The following THBS4 variants were observed in gnomAD, a reference collection of about 807,000 sequenced individuals.
The protein encoded by THBS4 is thrombospondin-4.
A neutral mutation model predicts 115.7 loss-of-function variants in THBS4; 90 were observed. The observed-to-expected ratio is 0.78, with a 90% CI of 0.66 to 0.93. THBS4 has a LOEUF of 0.93. Ranked by LOEUF, THBS4 falls within the 40% of genes least tolerant of loss-of-function variation. THBS4 has a pLI of 0.00. For synonymous variants in THBS4, 460 were observed against 479.3 expected (o/e 0.96, Z 0.53); for missense variants, 1,087 against 1,232.7 (o/e 0.88, Z 1.77).
intron 2 of THBS4, among the ~76,000 whole-genome samples, chr5:80,047,072 AC>A (rs17886383): frequency 3.3e-5 from 5 of 152,254 alleles, no homozygotes; most frequent in African/African-American, 1.2e-4. Flanking sequence ...CTAATCAACA[AC>A]AAATCCTAAT....
intron 8 of THBS4, among the ~76,000 whole-genome samples, chr5:80,063,074 C>A (rs368373914): frequency 3.9e-5 from 6 of 152,118 alleles, no homozygotes; most frequent in Non-Finnish European, 8.8e-5. Context: ...TGGGTCAAAT[C>A]GTATTTCTAG....
chr5:80,000,938 A>G (rs1354604942), intron 2 of THBS4, among the ~76,000 whole-genome samples: 2 of 152,208 alleles, frequency 1.3e-5, no homozygotes, highest in East Asian at 3.9e-4. Context: ...TTTTTTTTAT[A>G]TGTAGATGTC....
chr5:80,001,253 ATTTGT>A (rs1386686293), intron 2 of THBS4, among the ~76,000 whole-genome samples: 1 of 144,064 alleles, frequency 6.9e-6, no homozygotes, highest in Non-Finnish European at 1.5e-5. Flanking sequence ...CGTACTACAT[ATTTGT>A]TGCCGTGTTT....
intron 3 of THBS4, 110 bp downstream of exon 3, chr5:80,056,142 C>T (rs1198592524): frequency 2.2e-5 from 29 of 1,302,320 alleles, no homozygotes; most frequent in African/African-American, 3.0e-5. Context: ...GGTCTAATGC[C>T]GCTTGCACAT....
intron 21 of THBS4, 133 bp from the exon 22 acceptor site, chr5:80,082,947 G>A: frequency 1.3e-6 from 1 of 790,186 alleles, no homozygotes; most frequent in Non-Finnish European, 2.1e-6. Flanking sequence ...AGGAGAAAAT[G>A]GCGGCGAGGG....
chr5:80,018,708 T>A (rs1302036428), intron 2 of THBS4, among the ~76,000 whole-genome samples: 1 of 152,148 alleles, frequency 6.6e-6, no homozygotes, highest in African/African-American at 2.4e-5. Context: ...ATATACTTAT[T>A]TTTTAAACAT....
At chr5:80,055,270 T>C (rs985919375) in intron 2 of THBS4, among the ~76,000 whole-genome samples, 5 of 151,322 alleles carry the variant, frequency 3.3e-5, no homozygotes, top group African/African-American at 1.2e-4. Context: ...TGCAGTGAGC[T>C]GAGATCGTCC....
intron 1 of THBS4, among the ~76,000 whole-genome samples, chr5:80,037,669 C>T (rs1832760210): frequency 6.6e-6 from 1 of 152,168 alleles, no homozygotes; most frequent in Admixed American, 6.5e-5. Flanking sequence ...CATCATGAAC[C>T]TGATCATAGT....
chr5:80,002,233 CTTCAGTAGCT>C (rs1314139583), intron 2 of THBS4, among the ~76,000 whole-genome samples: 1 of 152,122 alleles, frequency 6.6e-6, no homozygotes, highest in Middle Eastern at 3.2e-3. Context: ...TAACCACTAC[CTTCAGTAGCT>C]GCCTGACAAA....
At chr5:79,993,742 G>T (rs1304335339) in intron 1 of THBS4, among the ~76,000 whole-genome samples, 2 of 152,226 alleles carry the variant, frequency 1.3e-5, no homozygotes, top group East Asian at 3.8e-4. Flanking sequence ...CACAGTGCAA[G>T]GTTTGTTAGG....
Position 80,071,098 on chromosome 5 carries a change from C to A in THBS4, c.1638C>A (p.Cys546Ter). The change falls in exon 13 of 22, where the codon TGC (cysteine) becomes TGA (stop). Residue 546 changes from cysteine to a stop codon, truncating the protein, a stop_gained. Transcript: ENST00000350881. LOFTEE classifies it high-confidence loss of function. ...KDIFGDACDN[C>*]LSVLNNDQKD... ...TCTTTGGGGATGCCTGTGATAACTGCCTGAGTGTCTTAAATAACGACCAGA... is the reference window on the plus strand; with the variant it reads ...TCTTTGGGGATGCCTGTGATAACTGACTGAGTGTCTTAAATAACGACCAGA... 1.2e-6 allele frequency: 2 copies of A among 1,611,272 alleles called. No individual in the cohort carries two copies. The highest frequency in any genetic ancestry group is 1.7e-6 in the Non-Finnish European group (2 of 1,179,466).
At chr5:80,080,570 C>T (rs774291803) in intron 20 of THBS4, among the ~76,000 whole-genome samples, 26 of 85,364 alleles carry the variant, frequency 3.0e-4, no homozygotes, top group Non-Finnish European at 4.0e-4. Flanking sequence ...ATGAGAGCAG[C>T]GCTTGTATCT....
chr5:80,026,962 C>T (rs1832488764), intron 2 of THBS4, among the ~76,000 whole-genome samples: 1 of 152,142 alleles, frequency 6.6e-6, no homozygotes, highest in South Asian at 2.1e-4. Context: ...TGTTTTATTG[C>T]ACTATAAACC....
chr5:79,994,213 C>G (rs1260604614), intron 1 of THBS4, among the ~76,000 whole-genome samples: 2 of 152,152 alleles, frequency 1.3e-5, no homozygotes, highest in African/African-American at 4.8e-5. Flanking sequence ...CAGGTACCTT[C>G]CTAAGGTTAA....
chr5:80,068,086 C>T lies in THBS4; in HGVS notation c.1308C>T (p.Ala436=). 6.2e-7 allele frequency: 1 copy of T among 1,614,112 alleles called. No individual in the cohort carries two copies. The highest frequency in any genetic ancestry group is 1.1e-5 in the South Asian group (1 of 91,074). ...NPELNPCSVN[A]QCIEERQGDV... ...AGCTGAACCCTTGCAGTGTGAATGC[C>T]CAGTGCATTGAAGAGAGGCAGGGGG... Residue 436 remains alanine, a synonymous_variant, in exon 10 of 22, where the codon GCC becomes GCT. Coordinates refer to ENST00000350881, the MANE Select transcript of THBS4 (RefSeq NM_003248.6).
At chr5:79,999,796 C>A (rs908647815) in intron 2 of THBS4, among the ~76,000 whole-genome samples, 17 of 152,196 alleles carry the variant, frequency 1.1e-4, no homozygotes, top group African/African-American at 3.9e-4. Context: ...TATATCTGGT[C>A]TGATACCTCA....
chr5:80,020,742 C>T (rs1420161008), intron 2 of THBS4, among the ~76,000 whole-genome samples: 2 of 152,148 alleles, frequency 1.3e-5, no homozygotes, highest in East Asian at 3.9e-4. Flanking sequence ...CTACTGATGG[C>T]AATCTCGGGC....
chr5:80,070,877 TGC>T, intron 12 of THBS4, 127 bp downstream of exon 12: 2 of 1,567,532 alleles, frequency 1.3e-6, no homozygotes, highest in South Asian at 2.3e-5. Flanking sequence ...TCCACAGCAC[TGC>T]AGCTTTTTAC....
At chr5:80,064,131 C>T (rs1317488321) in intron 8 of THBS4, among the ~76,000 whole-genome samples, 1 of 152,206 alleles carries the variant, frequency 6.6e-6, no homozygotes, top group Admixed American at 6.5e-5. Context: ...TAAGAAACAA[C>T]AAAGAAGCTC....
Sources: gnomAD v4.1 joint callset for allele counts (sites outside exome capture counted in the v4.1 genomes callset) on GRCh38, gnomAD v4.1.1 for gene constraint, MANE v1.5 for transcripts, NCBI Gene and HGNC (gene_info 2026-07-23, HGNC 2026-07-21) for gene names.